AGBL1: variants seen among roughly 807,000 people sequenced by gnomAD.
AGBL1 encodes cytosolic carboxypeptidase 4.
In AGBL1, 130 loss-of-function variants were observed where a neutral mutation model predicts 118.9. The observed-to-expected ratio is 1.09, with a 90% confidence interval of 0.95 to 1.26. AGBL1 has a LOEUF of 1.26. Among genes scored for constraint, AGBL1 ranks in the 50% most tolerant of loss-of-function variants. The pLI is 0.00. For missense variants in AGBL1, 1,584 were observed against 1,298.1 expected, an observed-to-expected ratio of 1.22 and a Z score of -3.38; for synonymous variants, 555 against 478.9, an observed-to-expected ratio of 1.16 and a Z score of -2.08.
At chr15:86,492,046 A>C (rs2082787908) in intron 18 of AGBL1, among the ~76,000 whole-genome samples, 1 of 152,104 alleles carries the variant, frequency 6.6e-6, no homozygotes, top group African/African-American at 2.4e-5. Flanking sequence ...TGGAGACTTA[A>C]AGATAACACA....
intron 1 of AGBL1, among the ~76,000 whole-genome samples, chr15:86,099,339 T>A (rs1270561513): frequency 6.6e-6 from 1 of 152,222 alleles, no homozygotes; most frequent in African/African-American, 2.4e-5. Flanking sequence ...GCTTTCTTGA[T>A]GTAGTTTTTT....
intron 3 of AGBL1, among the ~76,000 whole-genome samples, chr15:86,146,129 G>C (rs1408908978): frequency 6.6e-6 from 1 of 152,136 alleles, no homozygotes; most frequent in Non-Finnish European, 1.5e-5. Flanking sequence ...AACTTTCTGA[G>C]CTTTGTGCCC....
At chr15:86,888,708 T>C (rs1265835018) in intron 22 of AGBL1, among the ~76,000 whole-genome samples, 5 of 152,104 alleles carry the variant, frequency 3.3e-5, no homozygotes, top group African/African-American at 7.2e-5. Context: ...AATGTGCTTA[T>C]GGCCTCAAGC....
At chr15:86,629,541 G>T (rs759220615) in intron 21 of AGBL1, among the ~76,000 whole-genome samples, 4 of 152,064 alleles carry the variant, frequency 2.6e-5, no homozygotes, top group South Asian at 2.1e-4. Context: ...ATAAAATAAC[G>T]CACCCTTTGA....
chr15:86,410,842 A>ATATG (rs36174307), intron 18 of AGBL1, among the ~76,000 whole-genome samples: 2,190 of 74,250 alleles, frequency 0.029, 120 homozygotes, highest in East Asian at 0.11. Flanking sequence ...ATATATATAT[A>ATATG]ATATACTATT....
At chr15:86,209,642 T>G (rs2078057317) in intron 5 of AGBL1, among the ~76,000 whole-genome samples, 2 of 148,552 alleles carry the variant, frequency 1.3e-5, no homozygotes, top group Non-Finnish European at 3.0e-5. Flanking sequence ...CAATCCCTGC[T>G]TTTTTTTTGC....
At chr15:86,450,433 T>A (rs8031593) in intron 18 of AGBL1, among the ~76,000 whole-genome samples, 18,455 of 152,192 alleles carry the variant, frequency 0.12, 1,519 homozygotes, top group African/African-American at 0.23. Context: ...AGGAAAGAAG[T>A]CTTTGAAAAG....
intron 18 of AGBL1, among the ~76,000 whole-genome samples, chr15:86,435,215 T>C (rs2081987387): frequency 6.6e-6 from 1 of 152,238 alleles, no homozygotes; most frequent in Non-Finnish European, 1.5e-5. Flanking sequence ...AATATGTGCA[T>C]ATTAAATTTT....
At chr15:86,751,120 T>C (rs1009476576) in intron 22 of AGBL1, among the ~76,000 whole-genome samples, 9 of 152,110 alleles carry the variant, frequency 5.9e-5, no homozygotes, top group Admixed American at 5.9e-4. Context: ...TGTATCTTTA[T>C]AATAGAATGA....
chr15:86,858,363 C>T (rs1262295277), intron 22 of AGBL1, among the ~76,000 whole-genome samples: 1 of 152,100 alleles, frequency 6.6e-6, no homozygotes, highest in Non-Finnish European at 1.5e-5. Flanking sequence ...AAGCGTTATT[C>T]CTTTAACACT....
chr15:86,724,115 AG>A (rs2086780445), intron 22 of AGBL1, among the ~76,000 whole-genome samples: 2 of 151,908 alleles, frequency 1.3e-5, no homozygotes, highest in South Asian at 4.2e-4. Context: ...GGGCGCCTGT[AG>A]TCCCAGCTAC....
chr15:86,823,768 AC>A (rs1284355147), intron 22 of AGBL1, among the ~76,000 whole-genome samples: 2 of 152,090 alleles, frequency 1.3e-5, no homozygotes, highest in African/African-American at 4.8e-5. Flanking sequence ...TTTATCAAAG[AC>A]CCTAAAGCAA....
intron 5 of AGBL1, among the ~76,000 whole-genome samples, chr15:86,202,567 T>C (rs1318396602): frequency 6.6e-6 from 1 of 152,218 alleles, no homozygotes; most frequent in Non-Finnish European, 1.5e-5. Context: ...ACCTGCCACA[T>C]TGCAAGTACT....
At chr15:86,743,845 G>A (rs908269698) in intron 22 of AGBL1, among the ~76,000 whole-genome samples, 1 of 151,874 alleles carries the variant, frequency 6.6e-6, no homozygotes, top group African/African-American at 2.4e-5. Context: ...GGCCTTTCCA[G>A]TGTATCTGAT....
intron 21 of AGBL1, among the ~76,000 whole-genome samples, chr15:86,562,943 A>G (rs999843843): frequency 6.6e-6 from 1 of 152,096 alleles, no homozygotes; most frequent in African/African-American, 2.4e-5. Flanking sequence ...AGTTGTTTGT[A>G]GTATTCTCTG....
intron 21 of AGBL1, among the ~76,000 whole-genome samples, chr15:86,653,135 C>T (rs1369777912): frequency 1.3e-5 from 2 of 149,238 alleles, no homozygotes; most frequent in Admixed American, 1.4e-4. Flanking sequence ...AGCCTTCTTG[C>T]ACCGTCCTTC....
chr15:86,595,491 A>G (rs8041191), intron 21 of AGBL1, among the ~76,000 whole-genome samples: 8,139 of 152,202 alleles, frequency 0.053, 663 homozygotes, highest in African/African-American at 0.18. Context: ...CAAAATTCAA[A>G]TTCTCTTGTC....
chr15:86,458,241 TAAG>T (rs2082284792), intron 18 of AGBL1, among the ~76,000 whole-genome samples: 1 of 152,074 alleles, frequency 6.6e-6, no homozygotes, highest in Admixed American at 6.6e-5. Flanking sequence ...ATCAAAATTT[TAAG>T]AAGTAGACTA....
chr15:86,293,246 T>A (rs1887187042), intron 16 of AGBL1, among the ~76,000 whole-genome samples: 1 of 152,152 alleles, frequency 6.6e-6, no homozygotes, highest in African/African-American at 2.4e-5. Context: ...GAACAGGTAC[T>A]TTTTTTAAAA....
Sources: allele counts gnomAD v4.1 joint callset (sites outside exome capture counted in the v4.1 genomes callset), GRCh38; gene constraint gnomAD v4.1.1; transcripts MANE v1.5; gene names NCBI Gene and HGNC (gene_info 2026-07-23, HGNC 2026-07-21).